The following LETM2 variants were observed in gnomAD, a reference collection of about 807,000 sequenced individuals.
The protein encoded by LETM2 is LETM1 domain-containing protein LETM2, mitochondrial.
LETM2 carries 58 observed loss-of-function variants against 59.6 expected under a neutral mutation model. That is an observed-to-expected ratio of 0.97 (90% CI 0.79 to 1.21). LETM2 has a LOEUF of 1.21. LETM2 is among the 50% of genes most tolerant of loss of function. The pLI is 0.00. For synonymous variants in LETM2, 199 were observed against 214.1 expected (o/e 0.93, Z 0.62); for missense variants, 572 against 575.7 (o/e 0.99, Z 0.07).
At chr8:38,401,079 G>T in intron 6 of LETM2, 26 bp downstream of exon 6, 1 of 1,578,024 alleles carries the variant, frequency 6.3e-7, no homozygotes, top group Non-Finnish European at 8.7e-7. Flanking sequence ...TAGCTCTAGG[G>T]AATTAGCAAG....
rs1467062868 is a variant in LETM2 at position 38,407,347 on chromosome 8, G to A, written c.1312-15G>A. ...TTTTAAATCAGTAACCCAACTCTCA[G>A]TTCTGATGTTTAAGGATGAAGACTT... On this transcript the variant is annotated splice_polypyrimidine_tract_variant and intron_variant, in intron 9 of 10. Transcript: ENST00000379957. The A allele has an allele frequency of 3.8e-6, 6 of 1,566,064 alleles. No individual in the cohort carries two copies. In the South Asian group the frequency reaches 6.7e-5, roughly 17 times the overall value.
chr8:38,394,471 T>C lies in LETM2; in HGVS notation c.645+230T>C, dbSNP rs973978966. 1.3e-4 allele frequency: 47 copies of C among 367,368 alleles called. No homozygotes were observed. In the East Asian group the frequency reaches 1.9e-3, roughly 15 times the overall value. The allele number at this position is 367,368 out of a possible 1,614,324, so 22.8% of individuals were successfully genotyped here. A position where few individuals can be genotyped will look rare whatever the true frequency, so the allele number is the denominator to read the frequency against. ...AGGGTCCACTCTTCATGTTGAAGCATTTCTGTGGGCTTTGCAAATGCATAA... is the reference window on the plus strand; with the variant it reads ...AGGGTCCACTCTTCATGTTGAAGCACTTCTGTGGGCTTTGCAAATGCATAA... On this transcript the variant is annotated intron_variant, in intron 4 of 10. Transcript: ENST00000379957.
chr8:38,388,046 A>T lies in LETM2; in HGVS notation c.47+16A>T. 1 of 1,466,492 alleles carries T rather than the reference A, an allele frequency of 6.8e-7. No individual in the cohort carries two copies. Among genetic ancestry groups the T allele is most frequent in the Non-Finnish European group, 9.2e-7 (1 of 1,091,580 alleles). 90.8% of individuals were successfully genotyped at this position (1,466,492 alleles called of 1,614,324 possible). A position where few individuals can be genotyped will look rare whatever the true frequency, so the allele number is the denominator to read the frequency against. ...CTCGAACAAGGTAAGCATTGGAGTTACCCCCCAATATGAACGTAATTCTTC... is the reference window on the plus strand; with the variant it reads ...CTCGAACAAGGTAAGCATTGGAGTTTCCCCCCAATATGAACGTAATTCTTC... On this transcript the variant is annotated intron_variant, in intron 2 of 10. Coordinates refer to ENST00000379957, the MANE Select transcript of LETM2 (RefSeq NM_001286819.2).
Position 38,392,796 on chromosome 8 carries a change from A to C in LETM2, c.302A>C (p.Gln101Pro), listed in dbSNP as rs772688230. The change falls in exon 3 of 11, where the codon CAG becomes CCG. Residue 101 changes from glutamine (Q) to proline (P), a missense_variant. Physicochemically the swap from Gln to Pro is moderately conservative, Grantham distance 76. Transcript: ENST00000379957. ...CTGGAGCAAGCCACAAAACATCCACAGGTGACAAGCCCTCAGGCCACAAAA... is the reference window on the plus strand; with the variant it reads ...CTGGAGCAAGCCACAAAACATCCACCGGTGACAAGCCCTCAGGCCACAAAA... ...PQLEQATKHP[Q>P]VTSPQATKET... The C allele has an allele frequency of 9.9e-6, 16 of 1,614,060 alleles. No homozygotes were observed. The highest frequency in any genetic ancestry group is 1.2e-5 in the Non-Finnish European group (14 of 1,180,042).
chr8:38,394,478 G>C (rs577611373), intron 4 of LETM2: 3 of 349,920 alleles, frequency 8.6e-6, no homozygotes, highest in Non-Finnish European at 1.5e-5. Context: ...GCATTTCTGT[G>C]GGCTTTGCAA....
chr8:38,391,546 G>A (rs1044634361), intron 2 of LETM2, among the ~76,000 whole-genome samples: 2 of 151,854 alleles, frequency 1.3e-5, no homozygotes, highest in African/African-American at 4.8e-5. Context: ...GCCCGCCTTG[G>A]CCTCCCAAAG....
chr8:38,400,296 G>A lies in LETM2; in HGVS notation c.670G>A (p.Ala224Thr). ...GGAAGAAAAACAGAAAAAGAAAATG[G>A]CTGTAAAGTTGGAACTAGCAAAATT... is the stretch of plus-strand genomic sequence containing the variant. ...KKEEKQKKKM[A>T]VKLELAKFLQ... Residue 224 changes from alanine to threonine, a missense_variant, in exon 5 of 11, where the codon GCT (alanine) becomes ACT (threonine). Ala to Thr is a moderately conservative substitution (Grantham distance 58, BLOSUM62 0). Transcript: ENST00000379957. 1.2e-6 allele frequency: 2 copies of A among 1,611,584 alleles called. No homozygotes were observed. The highest frequency in any genetic ancestry group is 1.7e-6 in the Non-Finnish European group (2 of 1,178,968).
intron 10 of LETM2, 144 bp downstream of exon 10, chr8:38,407,607 CT>C: frequency 1.6e-6 from 1 of 618,452 alleles, no homozygotes; most frequent in Non-Finnish European, 2.8e-6. Flanking sequence ...GTAGGCCAAA[CT>C]TTAGTCATCT....
In LETM2 at chr8:38,407,081, G is replaced by C. The variant is rs367878264; in HGVS notation, c.1311+43G>C. The C allele has an allele frequency of 2.4e-6, 3 of 1,248,766 alleles. No homozygotes were observed. In the African/African-American group the frequency reaches 4.5e-5, roughly 19 times the overall value. 77.4% of individuals were successfully genotyped at this position (1,248,766 alleles called of 1,614,324 possible). On this transcript the variant is annotated intron_variant, in intron 9 of 10. Coordinates refer to ENST00000379957, the MANE Select transcript of LETM2 (RefSeq NM_001286819.2). ...CATTTGGTTAATTAGATTAAAAAAT[G>C]AAAATAGCAATGGGTCATTTTCTCC...
chr8:38,387,586 C>T (rs1241585876), intron 1 of LETM2, among the ~76,000 whole-genome samples: 1 of 152,136 alleles, frequency 6.6e-6, no homozygotes, highest in African/African-American at 2.4e-5. Context: ...AGAATATTCA[C>T]TTTCTACCTA....
At chr8:38,385,038 G>C (rs1426000400), upstream of LETM2, among the ~76,000 whole-genome samples, 5 of 152,208 alleles carry the variant, frequency 3.3e-5, no homozygotes, top group Non-Finnish European at 4.4e-5. Flanking sequence ...GGAATTTTCA[G>C]TGAGGGAAAA....
Position 38,404,249 on chromosome 8 carries a change from G to A in LETM2, c.1105-144G>A, listed in dbSNP as rs560292483. ...AAGCCAGGGCTGGGCTCTTGTCCGT[G>A]TTCTGCCGTGACTCATCACCTGAGC... On this transcript the variant is annotated intron_variant, in intron 7 of 10. Transcript: ENST00000379957. 7 of 613,726 alleles carry A rather than the reference G, an allele frequency of 1.1e-5. No individual in the cohort carries two copies. In the East Asian group the frequency reaches 1.7e-4, roughly 15 times the overall value. 38.0% of individuals were successfully genotyped at this position (613,726 alleles called of 1,614,324 possible).
chr8:38,404,369 T>G, intron 7 of LETM2, 24 bp from the exon 8 acceptor site: 2 of 1,477,766 alleles, frequency 1.4e-6, no homozygotes, highest in South Asian at 2.3e-5. Context: ...GATTCTCACG[T>G]GTTGTTCCCC....
chr8:38,406,861 T>TA, intron 8 of LETM2, 85 bp from the exon 9 acceptor site: 3 of 815,002 alleles, frequency 3.7e-6, no homozygotes, highest in Non-Finnish European at 6.2e-6. Flanking sequence ...CAAATAGTGC[T>TA]AAAAAAGGCA....
rs1435913292 is a variant in LETM2 at position 38,408,562 on chromosome 8, C to T, written c.*288C>T. The T allele has an allele frequency of 6.8e-6, 2 of 295,726 alleles. No individual in the cohort carries two copies. Among genetic ancestry groups the T allele is most frequent in the East Asian group, 1.4e-4 (2 of 14,620 alleles). The allele number at this position is 295,726 out of a possible 1,614,324, so 18.3% of individuals were successfully genotyped here. A position where few individuals can be genotyped will look rare whatever the true frequency, so the allele number is the denominator to read the frequency against. ...CCCCATCATGTTGTTTTTTTAGTTT[C>T]ATGTGTACGTCCCTTCAGAGAGGAA... On this transcript the variant is annotated 3_prime_UTR_variant, in exon 11 of 11. Transcript: ENST00000379957.
At chr8:38,391,536 G>A (rs1227031286) in intron 2 of LETM2, among the ~76,000 whole-genome samples, 30 of 151,486 alleles carry the variant, frequency 2.0e-4, no homozygotes, top group African/African-American at 5.1e-4. Context: ...CTCTTGATCC[G>A]CCCGCCTTGG....
rs374525934 is a variant in LETM2 at position 38,405,374 on chromosome 8, C to A, written c.1218+868C>A. On this transcript the variant is annotated intron_variant, in intron 8 of 10. Coordinates refer to ENST00000379957, the MANE Select transcript of LETM2 (RefSeq NM_001286819.2). ...GCTTCTCTAGCTGGTGGCTTCCTGT[C>A]TGACTCAGAACCCGGCATGAGTAAG... Among the ~76,000 whole-genome samples the A allele has an allele frequency of 1.0e-3, 153 of 152,274 alleles. 1 individual carries two copies. Among genetic ancestry groups the A allele is most frequent in the Middle Eastern group, 3.4e-3 (1 of 294 alleles).
At chr8:38,404,787 C>A in intron 8 of LETM2, 1 of 318,696 alleles carries the variant, frequency 3.1e-6, no homozygotes, top group Non-Finnish European at 6.0e-6. Context: ...TGAAACTAGC[C>A]TGACCAACAT....
intron 5 of LETM2, 89 bp from the exon 6 acceptor site, chr8:38,400,764 T>G (rs760575162): frequency 6.1e-6 from 7 of 1,150,626 alleles, no homozygotes; most frequent in Non-Finnish European, 8.7e-6. Context: ...GTCCCATAAA[T>G]GCTTTGATGT....
Sources: allele counts gnomAD v4.1 joint callset (sites outside exome capture counted in the v4.1 genomes callset), GRCh38; gene constraint gnomAD v4.1.1; transcripts MANE v1.5; gene names NCBI Gene and HGNC (gene_info 2026-07-23, HGNC 2026-07-21).